SOX6: variants seen among roughly 807,000 people sequenced by gnomAD.
SOX6 encodes the protein SRY-box transcription factor 6.
Under a neutral mutation model 97.8 loss-of-function variants are expected in SOX6, and 11 were observed. That is an observed-to-expected ratio of 0.11 (90% CI 0.07 to 0.19). SOX6 has a LOEUF of 0.19. Among genes scored for constraint, SOX6 ranks in the 10% least tolerant of loss-of-function variants. The probability of loss-of-function intolerance (pLI) is 1.00; values close to 1 mark genes in which losing one functional copy is unlikely to be tolerated. For missense variants in SOX6, 810 were observed against 1,039.5 expected (o/e 0.78, Z 3.04); for synonymous variants, 360 against 371.4 (o/e 0.97, Z 0.35).
intron 10 of SOX6, among the ~76,000 whole-genome samples, chr11:16,055,484 T>TA (rs1251536308): frequency 3.3e-5 from 5 of 152,052 alleles, no homozygotes; most frequent in African/African-American, 1.2e-4. Flanking sequence ...CAATGATCAT[T>TA]AAAAAATAAA....
chr11:16,113,325 C>T (rs549611851), intron 6 of SOX6, among the ~76,000 whole-genome samples: 2 of 152,314 alleles, frequency 1.3e-5, no homozygotes, highest in Non-Finnish European at 2.9e-5. Context: ...GGTCTTTGTG[C>T]AATTACTACC....
At chr11:16,165,359 C>T (rs906478236) in intron 6 of SOX6, among the ~76,000 whole-genome samples, 6 of 152,034 alleles carry the variant, frequency 3.9e-5, no homozygotes, top group Non-Finnish European at 7.4e-5. Flanking sequence ...CACCTTGGTA[C>T]CTTTAGCTAA....
At chr11:16,548,740 G>C (rs1006626582) in intron 4 of SOX6, among the ~76,000 whole-genome samples, 4 of 152,066 alleles carry the variant, frequency 2.6e-5, no homozygotes, top group Non-Finnish European at 5.9e-5. Flanking sequence ...GGAGGAATAA[G>C]TTCAAGAGAC....
chr11:16,240,584 T>A (rs909763036), intron 3 of SOX6, among the ~76,000 whole-genome samples: 4 of 152,066 alleles, frequency 2.6e-5, no homozygotes, highest in African/African-American at 9.7e-5. Flanking sequence ...TTATCTCTTT[T>A]ATCTGCTTTC....
intron 4 of SOX6, among the ~76,000 whole-genome samples, chr11:16,200,708 T>C (rs1449085117): frequency 6.6e-6 from 1 of 152,212 alleles, no homozygotes; most frequent in Non-Finnish European, 1.5e-5. Context: ...AACAATAATA[T>C]ATAAAATCTT....
chr11:16,281,951 TTATATATAAAATCACA>T (rs1196508044), intron 3 of SOX6, among the ~76,000 whole-genome samples: 2 of 144,458 alleles, frequency 1.4e-5, no homozygotes, highest in African/African-American at 2.5e-5. Flanking sequence ...ACACAAGTTA[TTATATATAAAATCACA>T]TATATATAAA....
chr11:16,229,380 A>G (rs896094450), intron 4 of SOX6, among the ~76,000 whole-genome samples: 1 of 152,078 alleles, frequency 6.6e-6, no homozygotes, highest in African/African-American at 2.4e-5. Flanking sequence ...CCAAAAAACA[A>G]ACAAAAGAAA....
intron 3 of SOX6, among the ~76,000 whole-genome samples, chr11:16,632,838 A>G (rs1018899868): frequency 6.6e-6 from 1 of 152,248 alleles, no homozygotes; most frequent in Non-Finnish European, 1.5e-5. Context: ...AGATTTCTGC[A>G]CAGGAGGAGC....
At chr11:16,004,002 A>T (rs559348164) in intron 13 of SOX6, among the ~76,000 whole-genome samples, 2 of 151,364 alleles carry the variant, frequency 1.3e-5, no homozygotes, top group Non-Finnish European at 2.9e-5. Flanking sequence ...GGTGTGTGTA[A>T]ATATATATAT....
rs181524998 is a variant in SOX6 at position 16,646,690 on chromosome 11, T to G, written n.430-34430A>C. Among the ~76,000 whole-genome samples, 740 of 152,304 alleles carry G rather than the reference T, an allele frequency of 4.9e-3. 2 individuals are homozygous for G. Among genetic ancestry groups the G allele is most frequent in the Non-Finnish European group, 7.6e-3 (520 of 68,022 alleles). ...CTTATGCCTTTGCATCCTCATAGCT[T>G]AGCTCCCACTTATGAATGAGAACAT... On this transcript the variant is annotated intron_variant and non_coding_transcript_variant, in intron 3 of 5. Coordinates refer to the SOX6 transcript ENST00000524520.
intron 13 of SOX6, among the ~76,000 whole-genome samples, chr11:16,013,408 T>C (rs137950470): frequency 5.3e-4 from 80 of 152,138 alleles, no homozygotes; most frequent in African/African-American, 1.9e-3. Context: ...GATGGTTAAC[T>C]GTGCAAGTAA....
intron 6 of SOX6, among the ~76,000 whole-genome samples, chr11:16,180,214 C>T (rs574133466): frequency 6.6e-6 from 1 of 151,746 alleles, no homozygotes; most frequent in African/African-American, 2.4e-5. Flanking sequence ...TGTAAACATG[C>T]TTTGATCTGT....
chr11:16,249,037 G>A (rs1182036531), intron 3 of SOX6, among the ~76,000 whole-genome samples: 6 of 150,682 alleles, frequency 4.0e-5, no homozygotes, highest in Non-Finnish European at 5.9e-5. Context: ...CTAGGCAGAG[G>A]TTGCAGTGAG....
At chr11:16,717,538 G>A (rs970205394) in intron 2 of SOX6, among the ~76,000 whole-genome samples, 1 of 152,074 alleles carries the variant, frequency 6.6e-6, no homozygotes, top group African/African-American at 2.4e-5. Context: ...ATTCTTGGCT[G>A]TTTGGTGAGG....
intron 1 of SOX6, among the ~76,000 whole-genome samples, chr11:16,400,166 T>G (rs572720844): frequency 4.6e-5 from 7 of 151,636 alleles, no homozygotes; most frequent in Non-Finnish European, 8.9e-5. Context: ...CCTGCCATCA[T>G]AGACCTTATA....
chr11:16,334,347 G>C (rs1288656185), intron 2 of SOX6, among the ~76,000 whole-genome samples: 2 of 152,026 alleles, frequency 1.3e-5, no homozygotes, highest in Non-Finnish European at 2.9e-5. Context: ...TTAATGACTG[G>C]AGTGTGTTAA....
At chr11:16,399,441 A>G (rs1431907884) in intron 1 of SOX6, among the ~76,000 whole-genome samples, 1 of 151,210 alleles carries the variant, frequency 6.6e-6, no homozygotes, top group East Asian at 1.9e-4. Flanking sequence ...CTCATTTGCA[A>G]CCTTGAACGC....
Position 16,330,740 on chromosome 11 carries a change from A to G in SOX6, c.237+10272T>C, listed in dbSNP as rs557423288. ...CCAATTTTAACCTTGAAACCAAGAA[A>G]GTTAGAAGTGCCAAGAGGCTTAGTC... On this transcript the variant is annotated intron_variant, in intron 2 of 15. Coordinates refer to ENST00000683767, the MANE Select transcript of SOX6 (RefSeq NM_001367873.1). 8.5e-5 allele frequency among the ~76,000 whole-genome samples: 13 copies of G among 152,252 alleles called. No homozygotes were observed. The East Asian group carries it at 2.5e-3, about 29-fold the overall frequency.
chr11:16,711,603 T>C (rs957019428), intron 3 of SOX6, among the ~76,000 whole-genome samples: 1 of 152,236 alleles, frequency 6.6e-6, no homozygotes, highest in Non-Finnish European at 1.5e-5. Context: ...CTTCATTTCA[T>C]GATCTAAAAG....
Sources: gnomAD v4.1 joint callset for allele counts (sites outside exome capture counted in the v4.1 genomes callset) on GRCh38, gnomAD v4.1.1 for gene constraint, MANE v1.5 for transcripts, NCBI Gene and HGNC (gene_info 2026-07-23, HGNC 2026-07-21) for gene names.